Variants in SOX6 observed in about 807,000 individuals in gnomAD.
SOX6 encodes the protein SRY-box transcription factor 6, also known as transcription factor SOX-6.
In SOX6, 11 loss-of-function variants were observed where a neutral mutation model predicts 97.8. That is an observed-to-expected ratio of 0.11 (90% CI 0.07 to 0.19). SOX6 has a LOEUF of 0.19. SOX6 is among the 10% of genes least tolerant of loss of function. SOX6 has a pLI of 1.00. For synonymous variants in SOX6, 360 were observed against 371.4 expected (o/e 0.97, Z 0.35); for missense variants, 810 against 1,039.5 (o/e 0.78, Z 3.04).
At chr11:16,453,788 T>C (rs566989609) in intron 1 of SOX6, among the ~76,000 whole-genome samples, 3 of 152,262 alleles carry the variant, frequency 2.0e-5, no homozygotes, top group Non-Finnish European at 2.9e-5. Flanking sequence ...TTATTCAAAC[T>C]GCACTCGACA....
intron 4 of SOX6, among the ~76,000 whole-genome samples, chr11:16,611,601 TAA>T (rs1311666865): frequency 6.6e-6 from 1 of 152,226 alleles, no homozygotes; most frequent in African/African-American, 2.4e-5. Context: ...GCACTTCATT[TAA>T]GTTTGAAGTA....
chr11:16,624,225 G>T (rs1477246101), intron 3 of SOX6, among the ~76,000 whole-genome samples: 2 of 122,398 alleles, frequency 1.6e-5, no homozygotes, highest in Non-Finnish European at 3.6e-5. Flanking sequence ...GTCTTGCTCT[G>T]TTGCCAGGCT....
intron 3 of SOX6, among the ~76,000 whole-genome samples, chr11:16,696,487 T>A (rs1848054827): frequency 6.6e-6 from 1 of 152,226 alleles, no homozygotes; most frequent in South Asian, 2.1e-4. Context: ...CAAGTTTGGT[T>A]CCAGATCATT....
At chr11:15,998,383 T>A (rs2119871915) in intron 13 of SOX6, among the ~76,000 whole-genome samples, 1 of 134,612 alleles carries the variant, frequency 7.4e-6, no homozygotes, top group Non-Finnish European at 1.7e-5. Context: ...AAAAAAGTAT[T>A]CAACACATCT....
chr11:16,571,533 C>T (rs1055069463), intron 4 of SOX6, among the ~76,000 whole-genome samples: 6 of 152,178 alleles, frequency 3.9e-5, no homozygotes, highest in African/African-American at 1.4e-4. Flanking sequence ...TGGGCTCAAG[C>T]AATCTTCCCA....
intron 3 of SOX6, among the ~76,000 whole-genome samples, chr11:16,235,742 G>A (rs956781453): frequency 2.0e-5 from 3 of 151,702 alleles, no homozygotes; most frequent in Non-Finnish European, 2.9e-5. Context: ...ATTTTCTCCA[G>A]CTTCTAAATC....
intron 4 of SOX6, among the ~76,000 whole-genome samples, chr11:16,551,907 A>C (rs1220190321): frequency 6.6e-6 from 1 of 152,158 alleles, no homozygotes; most frequent in South Asian, 2.1e-4. Flanking sequence ...GCCTGGCCTG[A>C]AAAATTTATT....
intron 3 of SOX6, among the ~76,000 whole-genome samples, chr11:16,263,097 A>G (rs1403660279): frequency 6.6e-6 from 1 of 151,924 alleles, no homozygotes; most frequent in East Asian, 1.9e-4. Flanking sequence ...TAAAGTAAGC[A>G]TTCTGATAAT....
intron 4 of SOX6, chr11:16,484,489 C>T (rs577670162): frequency 6.2e-6 from 5 of 809,072 alleles, no homozygotes; most frequent in African/African-American, 5.0e-5. Context: ...CCCTGAGCTT[C>T]TCCTGAATGG....
intron 2 of SOX6, among the ~76,000 whole-genome samples, chr11:16,320,196 G>T (rs545417826): frequency 4.1e-4 from 62 of 152,174 alleles, no homozygotes; most frequent in Non-Finnish European, 7.9e-4. Context: ...ATATAAAAAA[G>T]TGTATAAAGT....
intron 3 of SOX6, among the ~76,000 whole-genome samples, chr11:16,643,826 G>A (rs1389100397): frequency 6.6e-6 from 1 of 152,228 alleles, no homozygotes; most frequent in Admixed American, 6.5e-5. Flanking sequence ...CCCTTGGCTA[G>A]GAAAGGGAAT....
chr11:16,309,270 T>C (rs1437248436), intron 3 of SOX6, among the ~76,000 whole-genome samples: 3 of 152,146 alleles, frequency 2.0e-5, no homozygotes, highest in African/African-American at 7.2e-5. Flanking sequence ...AAAGTCCAAG[T>C]GTCCAGAAAC....
chr11:16,699,628 G>A (rs142871662), intron 3 of SOX6, among the ~76,000 whole-genome samples: 1 of 151,978 alleles, frequency 6.6e-6, no homozygotes, highest in East Asian at 1.9e-4. Flanking sequence ...TGCCCATTAT[G>A]TACAAGTCAC....
At chr11:16,369,385 C>T (rs971355314) in intron 1 of SOX6, among the ~76,000 whole-genome samples, 1 of 152,092 alleles carries the variant, frequency 6.6e-6, no homozygotes, top group African/African-American at 2.4e-5. Context: ...CATTCATAAA[C>T]TCCTAACATA....
intron 9 of SOX6, among the ~76,000 whole-genome samples, chr11:16,085,080 T>C (rs1373393655): frequency 6.6e-6 from 1 of 152,222 alleles, no homozygotes; most frequent in Non-Finnish European, 1.5e-5. Flanking sequence ...TCTATTGTGT[T>C]ATGTCTGAGC....
At chr11:16,456,020 A>G (rs1859804751) in intron 1 of SOX6, among the ~76,000 whole-genome samples, 1 of 152,140 alleles carries the variant, frequency 6.6e-6, no homozygotes, top group Non-Finnish European at 1.5e-5. Context: ...ATAATGTGAT[A>G]TAAAAATTCT....
Position 16,688,117 on chromosome 11 carries a change from T to G in SOX6, n.429+26713A>C, listed in dbSNP as rs552492761. 3.9e-5 allele frequency among the ~76,000 whole-genome samples: 6 copies of G among 151,992 alleles called. No homozygotes were observed. In the South Asian group the frequency reaches 1.2e-3, roughly 32 times the overall value. ...CCTCCCAAGTAGCTGGGAACACAGGTGCACACCACCACACCTGGCTAATTT... is the reference window on the plus strand; with the variant it reads ...CCTCCCAAGTAGCTGGGAACACAGGGGCACACCACCACACCTGGCTAATTT... On this transcript the variant is annotated intron_variant and non_coding_transcript_variant, in intron 3 of 5. Transcript: ENST00000524520.
chr11:16,123,508 T>C (rs1849541536), intron 6 of SOX6, among the ~76,000 whole-genome samples: 1 of 151,996 alleles, frequency 6.6e-6, no homozygotes, highest in Non-Finnish European at 1.5e-5. Context: ...AAAAACTAGA[T>C]ACCAAGGAAA....
At chr11:16,498,343 A>C (rs1046982482) in intron 4 of SOX6, among the ~76,000 whole-genome samples, 4 of 152,352 alleles carry the variant, frequency 2.6e-5, no homozygotes, top group African/African-American at 9.6e-5. Flanking sequence ...GGTACCAGCC[A>C]CTGCAAAAAC....
Sources: allele counts gnomAD v4.1 joint callset (sites outside exome capture counted in the v4.1 genomes callset), GRCh38; gene constraint gnomAD v4.1.1; transcripts MANE v1.5; gene names NCBI Gene and HGNC (gene_info 2026-07-23, HGNC 2026-07-21).